Variants in CHN2 observed in about 807,000 individuals in gnomAD.
CHN2 encodes beta-chimaerin.
A neutral mutation model predicts 56.3 loss-of-function variants in CHN2; 35 were observed. That is an observed-to-expected ratio of 0.62 (90% CI 0.47 to 0.82). The LOEUF (loss-of-function observed/expected upper bound fraction) is 0.82. Ranked by LOEUF, CHN2 falls within the 40% of genes least tolerant of loss-of-function variation. The pLI, the probability that CHN2 is intolerant of heterozygous loss-of-function variation, is 0.00. For missense variants in CHN2, 491 were observed against 580.5 expected, an observed-to-expected ratio of 0.85 and a Z score of 1.58; for synonymous variants, 210 against 212.8, an observed-to-expected ratio of 0.99 and a Z score of 0.12.
intron 1 of CHN2, among the ~76,000 whole-genome samples, chr7:29,349,056 G>A (rs887590710): frequency 4.6e-5 from 7 of 152,116 alleles, no homozygotes; most frequent in African/African-American, 1.7e-4. Context: ...ATCATTAAAT[G>A]TAGATAATAA....
chr7:29,387,049 C>T (rs1254306652), intron 3 of CHN2, among the ~76,000 whole-genome samples: 1 of 152,218 alleles, frequency 6.6e-6, no homozygotes, highest in Non-Finnish European at 1.5e-5. Flanking sequence ...ACTTAACTAG[C>T]TCTGTGACCT....
intron 1 of CHN2, among the ~76,000 whole-genome samples, chr7:29,244,560 C>T (rs548475610): frequency 7.2e-5 from 11 of 152,306 alleles, no homozygotes; most frequent in African/African-American, 2.6e-4. Context: ...CCTGCACCAC[C>T]AGGAAGGAGC....
At chr7:29,395,313 AG>A (rs1301176904) in intron 4 of CHN2, among the ~76,000 whole-genome samples, 1 of 152,226 alleles carries the variant, frequency 6.6e-6, no homozygotes, top group Non-Finnish European at 1.5e-5. Flanking sequence ...ACTTGTGCTC[AG>A]GAGATTAAGA....
intron 2 of CHN2, among the ~76,000 whole-genome samples, chr7:29,179,637 T>G (rs543514805): frequency 6.6e-6 from 1 of 152,374 alleles, no homozygotes; most frequent in African/African-American, 2.4e-5. Context: ...CTCTGATATA[T>G]GTAAATAAAT....
At chr7:29,476,408 G>A (rs1052503211) in intron 6 of CHN2, among the ~76,000 whole-genome samples, 3 of 151,838 alleles carry the variant, frequency 2.0e-5, no homozygotes, top group East Asian at 1.9e-4. Flanking sequence ...ACAGTGGCAC[G>A]TGCCTATAGT....
At chr7:29,280,439 T>A (rs1408016205) in intron 1 of CHN2, among the ~76,000 whole-genome samples, 2 of 151,950 alleles carry the variant, frequency 1.3e-5, no homozygotes, top group Non-Finnish European at 2.9e-5. Context: ...GAGCAGTGTT[T>A]TAGAGGGACA....
intron 3 of CHN2, among the ~76,000 whole-genome samples, chr7:29,369,697 C>T (rs1366800813): frequency 6.6e-6 from 1 of 152,090 alleles, no homozygotes; most frequent in Non-Finnish European, 1.5e-5. Context: ...TGGAGGTAGG[C>T]GATTCGGATT....
chr7:29,327,253 C>T (rs1165071576), intron 1 of CHN2, among the ~76,000 whole-genome samples: 1 of 152,170 alleles, frequency 6.6e-6, no homozygotes, highest in African/African-American at 2.4e-5. Flanking sequence ...ACATAAGCAT[C>T]CCTTGGGAAC....
chr7:29,509,706 G>A (rs949937036), intron 12 of CHN2: 14 of 218,336 alleles, frequency 6.4e-5, no homozygotes, highest in Admixed American at 1.6e-4. Flanking sequence ...TTAGCCGGGC[G>A]TGGTGGCAGC....
At chr7:29,263,226 C>T (rs1176989006) in intron 1 of CHN2, among the ~76,000 whole-genome samples, 2 of 152,200 alleles carry the variant, frequency 1.3e-5, no homozygotes, top group Middle Eastern at 3.2e-3. Context: ...GACGGGGTTT[C>T]GCCGTGTTGG....
chr7:29,207,555 G>C (rs1784612376), intron 1 of CHN2, among the ~76,000 whole-genome samples: 2 of 152,190 alleles, frequency 1.3e-5, no homozygotes, highest in Non-Finnish European at 2.9e-5. Flanking sequence ...CTTATGACTA[G>C]TTAATTAGCT....
chr7:29,352,865 C>G (rs1242083580), intron 1 of CHN2, among the ~76,000 whole-genome samples: 1 of 152,168 alleles, frequency 6.6e-6, no homozygotes, highest in African/African-American at 2.4e-5. Flanking sequence ...TTTGAATGCT[C>G]TTTATAAACT....
intron 1 of CHN2, among the ~76,000 whole-genome samples, chr7:29,347,689 G>A (rs1387119606): frequency 2.6e-5 from 4 of 152,140 alleles, no homozygotes; most frequent in African/African-American, 4.8e-5. Flanking sequence ...TTGAATTGAC[G>A]CAGACCGAAG....
At chr7:29,382,642 C>T (rs1165317189) in intron 3 of CHN2, among the ~76,000 whole-genome samples, 1 of 152,212 alleles carries the variant, frequency 6.6e-6, no homozygotes, top group Non-Finnish European at 1.5e-5. Context: ...CCTCAAGGAG[C>T]TCACATTGAG....
chr7:29,354,541 G>A (rs2128925575), intron 1 of CHN2, 84 bp from the exon 2 acceptor site: 1 of 1,233,622 alleles, frequency 8.1e-7, no homozygotes, highest in East Asian at 2.4e-5. Context: ...ACTGTGGACA[G>A]ACTGTTGTTC....
chr7:29,344,590 T>C (rs900836332), intron 1 of CHN2, among the ~76,000 whole-genome samples: 9 of 152,154 alleles, frequency 5.9e-5, no homozygotes, highest in African/African-American at 2.2e-4. Context: ...TCCAAGAGCC[T>C]ATCCATCCAC....
chr7:29,301,399 A>G (rs1793649692), intron 1 of CHN2, among the ~76,000 whole-genome samples: 1 of 150,730 alleles, frequency 6.6e-6, no homozygotes, highest in Admixed American at 6.6e-5. Context: ...AGTTTTTTGG[A>G]TTCATCTGGA....
At chr7:29,353,062 A>G (rs183092862) in intron 1 of CHN2, among the ~76,000 whole-genome samples, 1 of 152,294 alleles carries the variant, frequency 6.6e-6, no homozygotes, top group East Asian at 1.9e-4. Context: ...TCACTAACGC[A>G]CTGACTGTGT....
At chr7:29,164,609 C>A (rs1795649563) in intron 2 of CHN2, among the ~76,000 whole-genome samples, 8 of 151,656 alleles carry the variant, frequency 5.3e-5, no homozygotes, top group Admixed American at 5.3e-4. Context: ...GGCAAAACCC[C>A]ATCTCTACTA....
Sources: gnomAD v4.1 joint callset for allele counts (sites outside exome capture counted in the v4.1 genomes callset) on GRCh38, gnomAD v4.1.1 for gene constraint, MANE v1.5 for transcripts, NCBI Gene and HGNC (gene_info 2026-07-23, HGNC 2026-07-21) for gene names.